ZFYVE26: variants seen among roughly 807,000 people sequenced by gnomAD.
ZFYVE26 encodes the protein zinc finger FYVE domain-containing protein 26.
ZFYVE26 carries 181 observed loss-of-function variants against 276.5 expected under a neutral mutation model. The ratio of observed to expected loss-of-function variants is 0.65; its 90% confidence interval spans 0.58 to 0.74. ZFYVE26 has a LOEUF of 0.74. Ranked by LOEUF, ZFYVE26 falls within the 30% of genes least tolerant of loss-of-function variation. The pLI is 0.00. For missense variants in ZFYVE26, 2,821 were observed against 3,097.9 expected (o/e 0.91, Z 2.12); for synonymous variants, 1,129 against 1,203.1 (o/e 0.94, Z 1.27).
At chr14:67,815,662 G>T in intron 2 of ZFYVE26, 108 bp downstream of exon 2, 2 of 1,081,012 alleles carry the variant, frequency 1.9e-6, no homozygotes, top group Non-Finnish European at 2.9e-6. Context: ...CTGTGCCTCT[G>T]CTTATTCTTC....
chr14:67,809,408 C>CT (rs10580613), intron 3 of ZFYVE26, 119 bp from the exon 4 acceptor site: 9,612 of 211,792 alleles, frequency 0.045, 801 homozygotes, highest in South Asian at 0.068. Context: ...ATGAAGCACT[C>CT]TTTTTTTTTT....
Position 67,750,627 on chromosome 14 carries a change from A to T in ZFYVE26, c.7416+425T>A, listed in dbSNP as rs958956223. ...GAGACATTGTTGGACATTGTTGGTC[A>T]AAGTGTGGGGTGGGGATTTTTTTCT... On this transcript the variant is annotated intron_variant, in intron 41 of 41. Coordinates refer to ENST00000347230, the MANE Select transcript of ZFYVE26 (RefSeq NM_015346.4). 3.4e-5 allele frequency: 8 copies of T among 233,172 alleles called. No homozygotes were observed. The East Asian group carries it at 8.5e-4, about 25-fold the overall frequency. The allele number at this position is 233,172 out of a possible 1,614,324, so 14.4% of individuals were successfully genotyped here. A position where few individuals can be genotyped will look rare whatever the true frequency, so the allele number is the denominator to read the frequency against.
chr14:67,806,662 A>G lies in ZFYVE26; in HGVS notation c.900T>C (p.His300=). 6.2e-7 allele frequency: 1 copy of G among 1,614,128 alleles called. No individual in the cohort carries two copies. Among genetic ancestry groups the G allele is most frequent in the Middle Eastern group, 1.6e-4 (1 of 6,062 alleles). The change falls in exon 6 of 42, where the codon CAT becomes CAC. Residue 300 remains histidine (H), a synonymous_variant. Coordinates refer to ENST00000347230, the MANE Select transcript of ZFYVE26 (RefSeq NM_015346.4). The part of the protein sequence containing the change: ...ATASGKVSPD[H]LDPERAMLAL... ...CTAGCATTGCCCGCTCAGGATCTAG[A>G]TGATCCGGTGAGACTGAACATCAAA...
chr14:67,802,101 C>T lies in ZFYVE26; in HGVS notation c.1617G>A (p.Ala539=), dbSNP rs771594278. 31 of 1,613,154 alleles carry T rather than the reference C, an allele frequency of 1.9e-5. No homozygotes were observed. Among genetic ancestry groups the T allele is most frequent in the South Asian group, 1.4e-4 (13 of 91,032 alleles). ...SEDLASATEP[A]NDSLSSPGAA... The stretch of plus-strand genomic sequence containing the variant: ...TACCTGGGGAGGAGAGAGAGTCATT[C>T]GCTGGCTCTGTAGCTGAGGCCAGGT... Residue 539 remains alanine, a synonymous_variant, in exon 10 of 42, where the codon GCG becomes GCA. Transcript: ENST00000347230.
chr14:67,735,984 C>T (rs1342574257), intron 13 of ZFYVE26, among the ~76,000 whole-genome samples: 3 of 152,184 alleles, frequency 2.0e-5, no homozygotes, highest in Non-Finnish European at 4.4e-5. Flanking sequence ...CCATGCGTCC[C>T]AAGCTCAGGA....
At chr14:67,812,136 G>C (rs1023400050) in intron 3 of ZFYVE26, among the ~76,000 whole-genome samples, 1 of 151,962 alleles carries the variant, frequency 6.6e-6, no homozygotes, top group Non-Finnish European at 1.5e-5. Context: ...AACACTCTAT[G>C]TTAGTGAAAA....
chr14:67,756,911 A>G (rs2038793085), intron 35 of ZFYVE26, among the ~76,000 whole-genome samples: 1 of 152,204 alleles, frequency 6.6e-6, no homozygotes, highest in African/African-American at 2.4e-5. Flanking sequence ...GAATACATCT[A>G]CAACTACATT....
At position 67,755,887 on chromosome 14, in the gene ZFYVE26, C is replaced by T. The variant is rs891660316; in HGVS notation, c.6786+61G>A. The T allele has an allele frequency of 5.4e-5, 87 of 1,598,858 alleles. 1 individual carries two copies. The highest frequency in any genetic ancestry group is 7.2e-5 in the Non-Finnish European group (84 of 1,166,278). The stretch of plus-strand genomic sequence containing the variant: ...AGTCTCATTCCCTCATCGTGCACTG[C>T]CTCTCCTGCAGGGTGGGGCACCAGC... On this transcript the variant is annotated intron_variant, in intron 36 of 41. Transcript: ENST00000347230.
intron 10 of ZFYVE26, chr14:67,798,855 C>T (rs1206547809): frequency 2.3e-6 from 2 of 870,048 alleles, no homozygotes; most frequent in Non-Finnish European, 3.5e-6. Context: ...GGTCCCGCCC[C>T]GAGGCCAACC....
intron 36 of ZFYVE26, among the ~76,000 whole-genome samples, chr14:67,755,464 C>A (rs1346489926): frequency 6.6e-6 from 1 of 152,126 alleles, no homozygotes; most frequent in East Asian, 1.9e-4. Flanking sequence ...GGACATTATT[C>A]CACCACCGAA....
intron 13 of ZFYVE26, 27 bp downstream of exon 13, chr14:67,794,144 G>A: frequency 6.2e-7 from 1 of 1,611,740 alleles, no homozygotes; most frequent in Non-Finnish European, 8.5e-7. Context: ...GCTGCTCAAA[G>A]TTGGCAACTG....
intron 16 of ZFYVE26, 51 bp from the exon 17 acceptor site, chr14:67,786,284 T>G: frequency 1.2e-6 from 1 of 813,500 alleles, no homozygotes; most frequent in Non-Finnish European, 1.7e-6. Context: ...ATTGAAGTGT[T>G]TTCAGAGATT....
chr14:67,799,719 T>C, intron 10 of ZFYVE26: 2 of 805,846 alleles, frequency 2.5e-6, no homozygotes, highest in Non-Finnish European at 4.1e-6. Flanking sequence ...AAAGGTGTCT[T>C]TCCAGCCTGA....
chr14:67,762,648 GCTTTGT>G lies in ZFYVE26; in HGVS notation c.6159+18_6159+23del, dbSNP rs753320665. On this transcript the variant is annotated intron_variant, in intron 33 of 41. Transcript: ENST00000347230. ...ACTTGCTACAGTGGGGTGGAAGTAAGCTTTGTCTTTGTCTTTGTCTCACCTCAACGC... is the reference window on the plus strand; with the variant it reads ...ACTTGCTACAGTGGGGTGGAAGTAAGCTTTGTCTTTGTCTCACCTCAACGC... The G allele has an allele frequency of 1.6e-4, 251 of 1,611,966 alleles. No individual in the cohort carries two copies. In the Middle Eastern group the frequency reaches 3.2e-3, roughly 20 times the overall value.
intron 24 of ZFYVE26, among the ~76,000 whole-genome samples, 178 bp from the exon 25 acceptor site, chr14:67,777,913 C>T (rs1046655134): frequency 1.3e-5 from 2 of 151,576 alleles, no homozygotes; most frequent in Admixed American, 1.3e-4. Flanking sequence ...TTGACAGGAC[C>T]AGAATTCAGC....
At chr14:67,729,193 A>G (rs747901495) in intron 14 of ZFYVE26, 6 of 1,612,828 alleles carry the variant, frequency 3.7e-6, no homozygotes, top group Non-Finnish European at 5.1e-6. Context: ...TGTCCCAGGC[A>G]CCGGGGTCAC....
At chr14:67,757,701 TTCTC>T (rs1259183797) in intron 35 of ZFYVE26, among the ~76,000 whole-genome samples, 277 of 151,684 alleles carry the variant, frequency 1.8e-3, no homozygotes, top group African/African-American at 6.4e-3. Flanking sequence ...TTTCCTTTCT[TTCTC>T]TCTCTCTTTC....
intron 37 of ZFYVE26, among the ~76,000 whole-genome samples, chr14:67,754,645 T>C (rs1027580168): frequency 6.6e-6 from 1 of 152,214 alleles, no homozygotes; most frequent in African/African-American, 2.4e-5. Flanking sequence ...TTGTGTTCTA[T>C]GTAGAGGGAC....
chr14:67,732,566 A>G (rs1446670600), intron 13 of ZFYVE26, among the ~76,000 whole-genome samples: 7 of 149,992 alleles, frequency 4.7e-5, no homozygotes, highest in African/African-American at 1.5e-4. Context: ...TACAGAAAGC[A>G]ACTAAATGAT....
Sources: gnomAD v4.1 joint callset for allele counts (sites outside exome capture counted in the v4.1 genomes callset) on GRCh38, gnomAD v4.1.1 for gene constraint, MANE v1.5 for transcripts, NCBI Gene and HGNC (gene_info 2026-07-23, HGNC 2026-07-21) for gene names.